Variants in SRPK2 observed in about 807,000 individuals in gnomAD.
The protein encoded by SRPK2 is SFRS protein kinase 2.
Under a neutral mutation model 90.8 loss-of-function variants are expected in SRPK2, and 21 were observed. The ratio of observed to expected loss-of-function variants is 0.23; its 90% CI spans 0.16 to 0.33. The LOEUF is 0.33. Ranked by LOEUF, SRPK2 falls within the 10% of genes least tolerant of loss-of-function variation. The pLI, the probability that SRPK2 is intolerant of heterozygous loss-of-function variation, is 1.00. For missense variants in SRPK2, 620 were observed against 869.0 expected, an observed-to-expected ratio of 0.71 and a Z score of 3.60; for synonymous variants, 288 against 311.1, an observed-to-expected ratio of 0.93 and a Z score of 0.78.
chr7:105,280,146 T>A (rs1807068915), intron 2 of SRPK2, among the ~76,000 whole-genome samples: 1 of 152,198 alleles, frequency 6.6e-6, no homozygotes, highest in African/African-American at 2.4e-5. Flanking sequence ...CTGAGCGCAG[T>A]GGCTCACGCC....
At chr7:105,375,488 C>A (rs748274748) in intron 2 of SRPK2, among the ~76,000 whole-genome samples, 1 of 152,080 alleles carries the variant, frequency 6.6e-6, no homozygotes, top group Non-Finnish European at 1.5e-5. Context: ...TTAAGACTAA[C>A]CTGGGCAGCA....
intron 2 of SRPK2, among the ~76,000 whole-genome samples, chr7:105,276,069 G>A (rs1342409328): frequency 6.7e-6 from 1 of 148,498 alleles, no homozygotes; most frequent in Non-Finnish European, 1.5e-5. Flanking sequence ...GTGTACATGA[G>A]GAGGATATAT....
At chr7:105,361,612 G>T (rs1818433174) in intron 2 of SRPK2, among the ~76,000 whole-genome samples, 1 of 152,110 alleles carries the variant, frequency 6.6e-6, no homozygotes, top group East Asian at 1.9e-4. Flanking sequence ...GCATGGTACT[G>T]GTACCAAAAC....
intron 2 of SRPK2, among the ~76,000 whole-genome samples, chr7:105,363,725 T>G (rs1005718727): frequency 3.0e-4 from 46 of 152,252 alleles, no homozygotes; most frequent in African/African-American, 1.1e-3. Context: ...TTACTACACA[T>G]GCACATGTAT....
intron 3 of SRPK2, among the ~76,000 whole-genome samples, chr7:105,179,440 AAAAC>A (rs1563043378): frequency 6.6e-6 from 1 of 152,226 alleles, no homozygotes; most frequent in Non-Finnish European, 1.5e-5. Flanking sequence ...TTAAAACTGT[AAAAC>A]TAACTGGCCC....
At chr7:105,308,630 C>T (rs1026319908) in intron 2 of SRPK2, among the ~76,000 whole-genome samples, 4 of 152,062 alleles carry the variant, frequency 2.6e-5, no homozygotes, top group Non-Finnish European at 5.9e-5. Context: ...CTAAAGCACC[C>T]GACACCTAAA....
chr7:105,368,009 T>C (rs1381039215), intron 2 of SRPK2, among the ~76,000 whole-genome samples: 2 of 151,948 alleles, frequency 1.3e-5, no homozygotes, highest in Admixed American at 6.6e-5. Context: ...TTAAGGAGAG[T>C]ACAGTTACAA....
chr7:105,369,188 C>A (rs953348791), intron 2 of SRPK2, among the ~76,000 whole-genome samples: 1 of 150,770 alleles, frequency 6.6e-6, no homozygotes, highest in African/African-American at 2.4e-5. Flanking sequence ...ACTCTGTTGC[C>A]CAGGCTGCAG....
chr7:105,281,419 C>T (rs568606914), intron 2 of SRPK2, among the ~76,000 whole-genome samples: 9 of 152,132 alleles, frequency 5.9e-5, no homozygotes, highest in South Asian at 2.1e-4. Flanking sequence ...CTGCAAAAAC[C>T]GCAATTACAT....
Position 105,288,218 on chromosome 7 carries a change from T to C in SRPK2, c.72-84433A>G, listed in dbSNP as rs971606073. Among the ~76,000 whole-genome samples the C allele has an allele frequency of 5.9e-5, 9 of 152,232 alleles. 1 individual carries two copies. The highest frequency in any genetic ancestry group is 1.2e-4 in the African/African-American group (5 of 41,450). ...AAACTTAAATTCAGTCTGTCCCTTC[T>C]ATTTCCACCCATAGTAGGATCTTAC... On this transcript the variant is annotated intron_variant, in intron 2 of 15. Coordinates refer to ENST00000393651, the MANE Select transcript of SRPK2 (RefSeq NM_182692.3).
intron 2 of SRPK2, among the ~76,000 whole-genome samples, chr7:105,318,720 T>A (rs1227010306): frequency 1.3e-5 from 2 of 152,178 alleles, no homozygotes; most frequent in African/African-American, 4.8e-5. Flanking sequence ...CTTCTCACCA[T>A]CCCCTTTGAG....
intron 2 of SRPK2, among the ~76,000 whole-genome samples, chr7:105,323,682 A>T (rs1813195199): frequency 6.6e-6 from 1 of 152,252 alleles, no homozygotes; most frequent in Non-Finnish European, 1.5e-5. Context: ...ATAAAGGAAT[A>T]GTGTTTCTTG....
intron 6 of SRPK2, among the ~76,000 whole-genome samples, chr7:105,164,781 A>T (rs1359423380): frequency 6.6e-6 from 1 of 152,170 alleles, no homozygotes; most frequent in African/African-American, 2.4e-5. Flanking sequence ...GTCATTTTGG[A>T]GTTTAAATCT....
intron 2 of SRPK2, among the ~76,000 whole-genome samples, chr7:105,301,035 A>G (rs1007275180): frequency 1.3e-5 from 2 of 152,252 alleles, no homozygotes; most frequent in African/African-American, 2.4e-5. Flanking sequence ...CCAAAGGATT[A>G]TAAATCATGC....
intron 2 of SRPK2, among the ~76,000 whole-genome samples, chr7:105,370,131 G>A (rs1206135040): frequency 6.6e-6 from 1 of 152,134 alleles, no homozygotes; most frequent in Non-Finnish European, 1.5e-5. Context: ...GACAGCACCT[G>A]GTGACCAAAT....
At chr7:105,158,792 ATTTTTTTGTG>A (rs1252046931) in intron 7 of SRPK2, among the ~76,000 whole-genome samples, 84 of 145,066 alleles carry the variant, frequency 5.8e-4, no homozygotes, top group East Asian at 2.3e-3. Context: ...ATATGGTTTT[ATTTTTTTGTG>A]TTTTTTTGTG....
intron 3 of SRPK2, among the ~76,000 whole-genome samples, chr7:105,173,306 C>A (rs989194792): frequency 6.6e-6 from 1 of 152,110 alleles, no homozygotes; most frequent in South Asian, 2.1e-4. Flanking sequence ...AAGTATAACG[C>A]ACTTAACTTA....
At chr7:105,344,549 T>C (rs997255058) in intron 2 of SRPK2, among the ~76,000 whole-genome samples, 1 of 151,696 alleles carries the variant, frequency 6.6e-6, no homozygotes, top group Non-Finnish European at 1.5e-5. Flanking sequence ...AATCTGAATT[T>C]CCTGTAATGT....
At chr7:105,385,308 G>C (rs1429980772) in intron 2 of SRPK2, among the ~76,000 whole-genome samples, 1 of 148,850 alleles carries the variant, frequency 6.7e-6, no homozygotes, top group African/African-American at 2.5e-5. Flanking sequence ...AGCCTCCCGA[G>C]TAGCTGAGAC....
Sources: gnomAD v4.1 joint callset for allele counts (sites outside exome capture counted in the v4.1 genomes callset) on GRCh38, gnomAD v4.1.1 for gene constraint, MANE v1.5 for transcripts, NCBI Gene and HGNC (gene_info 2026-07-23, HGNC 2026-07-21) for gene names.